Variants in TPST1 observed in about 807,000 individuals in gnomAD.
TPST1 encodes the protein protein-tyrosine sulfotransferase 1.
TPST1 carries 20 observed loss-of-function variants against 34.8 expected under a neutral mutation model. That is an observed-to-expected ratio of 0.57 (90% CI 0.40 to 0.84). TPST1 has a LOEUF of 0.84. Among genes scored for constraint, TPST1 ranks in the 40% least tolerant of loss-of-function variants. The pLI is 0.00. For synonymous variants in TPST1, 152 were observed against 159.4 expected (o/e 0.95, Z 0.35); for missense variants, 353 against 455.5 (o/e 0.78, Z 2.05).
At chr7:66,243,149 G>T in intron 2 of TPST1, among the ~76,000 whole-genome samples, 1 of 148,920 alleles carries the variant, frequency 6.7e-6, no homozygotes, top group South Asian at 2.1e-4. Flanking sequence ...GACAAGGGGT[G>T]TGTGTGTGTG....
intron 3 of TPST1, among the ~76,000 whole-genome samples, chr7:66,317,197 A>G (rs1369685309): frequency 2.6e-5 from 4 of 152,182 alleles, no homozygotes; most frequent in Non-Finnish European, 4.4e-5. Flanking sequence ...AAAAATCTGT[A>G]TCTTTAGTTA....
intron 2 of TPST1, among the ~76,000 whole-genome samples, chr7:66,245,633 A>G (rs997427089): frequency 1.3e-5 from 2 of 152,238 alleles, no homozygotes; most frequent in African/African-American, 4.8e-5. Context: ...CACACAAAGA[A>G]TCTTTGTCAG....
intron 5 of TPST1, among the ~76,000 whole-genome samples, chr7:66,358,764 A>C (rs1380624120): frequency 6.6e-6 from 1 of 152,320 alleles, no homozygotes; most frequent in East Asian, 1.9e-4. Flanking sequence ...GCCTTGGCTA[A>C]TTTTGTTTAT....
intron 1 of TPST1, among the ~76,000 whole-genome samples, chr7:66,211,345 G>T (rs1420546832): frequency 6.6e-6 from 1 of 152,072 alleles, no homozygotes; most frequent in Non-Finnish European, 1.5e-5. Flanking sequence ...TATTGAGGCT[G>T]GTCTCGAACT....
intron 2 of TPST1, among the ~76,000 whole-genome samples, chr7:66,243,459 T>A (rs913898900): frequency 6.6e-6 from 1 of 152,092 alleles, no homozygotes; most frequent in African/African-American, 2.4e-5. Context: ...TTCTTTTGTT[T>A]TTGAGATGGA....
intron 3 of TPST1, among the ~76,000 whole-genome samples, chr7:66,309,014 C>T (rs1791478931): frequency 6.6e-6 from 1 of 152,208 alleles, no homozygotes; most frequent in Admixed American, 6.5e-5. Flanking sequence ...TTCTCCTGCT[C>T]AGTCTCCTCA....
chr7:66,236,189 G>C (rs964505688), intron 1 of TPST1, among the ~76,000 whole-genome samples: 1 of 152,108 alleles, frequency 6.6e-6, no homozygotes, highest in Non-Finnish European at 1.5e-5. Flanking sequence ...GGGGCCCCAA[G>C]ATTTATTTTC....
rs1400528765 is a variant in TPST1, at chr7:66,241,083, G to A, written c.658G>A (p.Glu220Lys). 2 of 1,614,192 alleles carry A rather than the reference G, an allele frequency of 1.2e-6. No homozygotes were observed. The highest frequency in any genetic ancestry group is 1.7e-6 in the Non-Finnish European group (2 of 1,180,042). Residue 220 changes from glutamate to lysine, a missense_variant, in exon 2 of 6, where the codon GAG becomes AAG. Physicochemically the swap from Glu to Lys is moderately conservative, Grantham distance 56 (BLOSUM62 1). Transcript: ENST00000304842. ...TTTGACAAAGTGGAATCGTGCTATA[G>A]AGACCATGTATAACCAGTGTATGGA... Reference protein sequence around the residue: ...DCLTKWNRAIETMYNQCMEVG... With the variant: ...DCLTKWNRAIKTMYNQCMEVG...
chr7:66,340,032 C>T (rs756664792), intron 3 of TPST1, among the ~76,000 whole-genome samples: 8 of 151,862 alleles, frequency 5.3e-5, no homozygotes, highest in Admixed American at 1.3e-4. Flanking sequence ...TCTCAACAAA[C>T]GGTATAGAAG....
upstream of TPST1, among the ~76,000 whole-genome samples, chr7:66,204,475 C>G (rs1789079491): frequency 6.6e-6 from 1 of 152,192 alleles, no homozygotes; most frequent in African/African-American, 2.4e-5. Context: ...TTTGGCTTCC[C>G]AAAGTGCTGT....
intron 2 of TPST1, among the ~76,000 whole-genome samples, chr7:66,254,962 A>G (rs1790353744): frequency 6.6e-6 from 1 of 151,820 alleles, no homozygotes; most frequent in African/African-American, 2.4e-5. Flanking sequence ...CCTGGCTAAC[A>G]TGGTGAAACC....
chr7:66,218,617 G>A (rs1484495983), intron 1 of TPST1, among the ~76,000 whole-genome samples: 4 of 152,098 alleles, frequency 2.6e-5, no homozygotes, highest in African/African-American at 7.2e-5. Flanking sequence ...AGGCTGAGGC[G>A]GGGAGATCAC....
At chr7:66,294,890 G>A (rs1472522614) in intron 3 of TPST1, among the ~76,000 whole-genome samples, 1 of 151,948 alleles carries the variant, frequency 6.6e-6, no homozygotes, top group Non-Finnish European at 1.5e-5. Context: ...TTCCCATTGT[G>A]TGCATGCTTT....
intron 2 of TPST1, among the ~76,000 whole-genome samples, chr7:66,277,650 C>A (rs1288367266): frequency 6.6e-6 from 1 of 152,002 alleles, no homozygotes; most frequent in Non-Finnish European, 1.5e-5. Flanking sequence ...GAAATCTATT[C>A]AAATAGGAAA....
At chr7:66,287,244 C>T (rs1791064705) in intron 3 of TPST1, among the ~76,000 whole-genome samples, 2 of 54,170 alleles carry the variant, frequency 3.7e-5, no homozygotes, top group Non-Finnish European at 6.7e-5. Flanking sequence ...TTTCTTAATC[C>T]AGTCTATCAT....
At chr7:66,292,864 G>A (rs187489409) in intron 3 of TPST1, among the ~76,000 whole-genome samples, 89 of 151,962 alleles carry the variant, frequency 5.9e-4, no homozygotes, top group East Asian at 1.9e-4. Context: ...GTTCCTATTC[G>A]GCCATCTTGG....
intron 4 of TPST1, among the ~76,000 whole-genome samples, chr7:66,355,986 C>T (rs1792575502): frequency 6.6e-6 from 1 of 150,762 alleles, no homozygotes; most frequent in African/African-American, 2.4e-5. Context: ...GCCCAGACAG[C>T]TGTGATTGTG....
intron 1 of TPST1, 45 bp from the exon 2 acceptor site, chr7:66,240,280 G>A: frequency 1.0e-6 from 1 of 982,114 alleles, no homozygotes. Context: ...TGATTTGTAA[G>A]CAATCTCAAT....
intron 3 of TPST1, among the ~76,000 whole-genome samples, chr7:66,299,600 G>A (rs1791274211): frequency 6.6e-6 from 1 of 151,932 alleles, no homozygotes; most frequent in Admixed American, 6.6e-5. Context: ...GTGGGCCTCA[G>A]TTTTGATTAG....
Sources: gnomAD v4.1 joint callset for allele counts (sites outside exome capture counted in the v4.1 genomes callset) on GRCh38, gnomAD v4.1.1 for gene constraint, MANE v1.5 for transcripts, NCBI Gene and HGNC (gene_info 2026-07-23, HGNC 2026-07-21) for gene names.